Variants in DPY19L2 observed in about 807,000 individuals in gnomAD.
DPY19L2 encodes the protein dpy-19 like 2.
Under a neutral mutation model 97.9 loss-of-function variants are expected in DPY19L2, and 34 were observed. The observed-to-expected ratio is 0.35, with a 90% CI of 0.26 to 0.46. DPY19L2 has a LOEUF of 0.46. DPY19L2 is among the 20% of genes least tolerant of loss of function. The probability of loss-of-function intolerance (pLI) is 1.00; values close to 1 mark genes in which losing one functional copy is unlikely to be tolerated. For missense variants in DPY19L2, 623 were observed against 911.4 expected (o/e 0.68, Z 4.07); for synonymous variants, 230 against 307.9 (o/e 0.75, Z 2.65).
chr12:63,587,224 A>G (rs1188572483), intron 16 of DPY19L2, among the ~76,000 whole-genome samples: 1 of 152,090 alleles, frequency 6.6e-6, no homozygotes, highest in Non-Finnish European at 1.5e-5. Flanking sequence ...TCCTATAATA[A>G]TCATGCAATG....
intron 4 of DPY19L2, among the ~76,000 whole-genome samples, chr12:63,653,042 C>T (rs1488711494): frequency 2.6e-5 from 4 of 151,688 alleles, no homozygotes; most frequent in East Asian, 1.9e-4. Context: ...TAATGGATGG[C>T]GCAAGAGGAG....
chr12:63,607,370 G>A (rs750512205), intron 12 of DPY19L2, among the ~76,000 whole-genome samples: 1 of 152,168 alleles, frequency 6.6e-6, no homozygotes, highest in Non-Finnish European at 1.5e-5. Flanking sequence ...GTCGATATGT[G>A]AATTTCTACA....
At chr12:63,614,844 T>C (rs1308381848) in intron 11 of DPY19L2, among the ~76,000 whole-genome samples, 1 of 152,132 alleles carries the variant, frequency 6.6e-6, no homozygotes, top group East Asian at 1.9e-4. Context: ...CTCTGCCCAC[T>C]AATAAGGCCT....
chr12:63,580,850 A>G lies in DPY19L2; in HGVS notation c.1726-14T>C. On this transcript the variant is annotated splice_polypyrimidine_tract_variant and intron_variant, in intron 18 of 21. Coordinates refer to ENST00000324472, the MANE Select transcript of DPY19L2 (RefSeq NM_173812.5). ...CCAGCCAAAGAGCTGAAACGAAAGA[A>G]ACCGTTTATTTCTAGTTCTTATATG... is the stretch of plus-strand genomic sequence containing the variant. 2 of 1,609,140 alleles carry G rather than the reference A, an allele frequency of 1.2e-6. No individual in the cohort carries two copies. The highest frequency in any genetic ancestry group is 1.7e-6 in the Non-Finnish European group (2 of 1,178,144).
intron 11 of DPY19L2, among the ~76,000 whole-genome samples, chr12:63,615,409 T>C (rs1184121908): frequency 6.6e-6 from 1 of 152,092 alleles, no homozygotes; most frequent in Non-Finnish European, 1.5e-5. Context: ...AAGAGAGACA[T>C]TATGTGCCTT....
chr12:63,585,389 G>A (rs150017843), intron 16 of DPY19L2, among the ~76,000 whole-genome samples: 8 of 152,094 alleles, frequency 5.3e-5, no homozygotes, highest in African/African-American at 1.9e-4. Flanking sequence ...TAGTAATGGA[G>A]TCCAAATTAT....
chr12:63,588,464 A>G (rs944571932), intron 16 of DPY19L2, among the ~76,000 whole-genome samples: 1 of 152,184 alleles, frequency 6.6e-6, no homozygotes, highest in African/African-American at 2.4e-5. Context: ...AGAATGTTAT[A>G]CTTATAGTCC....
intron 4 of DPY19L2, among the ~76,000 whole-genome samples, chr12:63,652,105 G>GA (rs1474537488): frequency 2.7e-5 from 4 of 150,130 alleles, no homozygotes; most frequent in East Asian, 3.9e-4. Context: ...TTTAAAACAT[G>GA]AAAAAAAAAG....
At chr12:63,634,376 A>C (rs187914665) in intron 6 of DPY19L2, among the ~76,000 whole-genome samples, 2 of 152,284 alleles carry the variant, frequency 1.3e-5, no homozygotes, top group Admixed American at 1.3e-4. Context: ...AGCTCCCAGC[A>C]CGAGCGACAC....
At chr12:63,631,569 T>C (rs1312123212) in intron 6 of DPY19L2, among the ~76,000 whole-genome samples, 1 of 152,022 alleles carries the variant, frequency 6.6e-6, no homozygotes, top group African/African-American at 2.4e-5. Flanking sequence ...GAGGCAATAA[T>C]CAATAGCCTA....
intron 16 of DPY19L2, among the ~76,000 whole-genome samples, chr12:63,590,114 AAAAC>A (rs1267636130): frequency 4.0e-4 from 56 of 139,806 alleles, no homozygotes; most frequent in African/African-American, 1.5e-3. Context: ...CGAGACAAAA[AAAAC>A]AAAACAAAAC....
chr12:63,572,622 ACC>A (rs1879090903), intron 19 of DPY19L2, among the ~76,000 whole-genome samples: 1 of 152,032 alleles, frequency 6.6e-6, no homozygotes, highest in African/African-American at 2.4e-5. Flanking sequence ...TTTGGGTAAG[ACC>A]CAGTGCTGTG....
In DPY19L2 at chr12:63,560,452, C is replaced by A; in HGVS notation, c.*60G>T. On this transcript the variant is annotated 3_prime_UTR_variant, in exon 22 of 22. Transcript: ENST00000324472. The stretch of plus-strand genomic sequence containing the variant: ...GTGATTTTTATTAATGTGAATAAGC[C>A]AAAGGGTGATTGTTTTTGACACACG... 6.4e-7 allele frequency: 1 copy of A among 1,555,228 alleles called. No individual in the cohort carries two copies. Among genetic ancestry groups the A allele is most frequent in the South Asian group, 1.2e-5 (1 of 80,650 alleles).
intron 15 of DPY19L2, among the ~76,000 whole-genome samples, chr12:63,595,144 T>C (rs901452815): frequency 6.6e-6 from 1 of 152,202 alleles, no homozygotes; most frequent in African/African-American, 2.4e-5. Flanking sequence ...CAACTAAAAC[T>C]ACATAGAGAA....
chr12:63,610,875 A>ACAAAAAAAAAAAAACAT (rs1886885488), intron 11 of DPY19L2, among the ~76,000 whole-genome samples: 1 of 103,438 alleles, frequency 9.7e-6, no homozygotes, highest in Non-Finnish European at 2.0e-5. Context: ...AAAAAAAAAA[A>ACAAAAAAAAAAAAACAT]CCACACACAC....
chr12:63,566,743 T>C (rs1211663260), intron 21 of DPY19L2, among the ~76,000 whole-genome samples: 1 of 152,044 alleles, frequency 6.6e-6, no homozygotes, highest in East Asian at 1.9e-4. Flanking sequence ...ATAAAGCTGC[T>C]ATAGACATTT....
intron 16 of DPY19L2, among the ~76,000 whole-genome samples, chr12:63,591,995 G>A (rs1592472757): frequency 8.8e-5 from 2 of 22,644 alleles, no homozygotes; most frequent in African/African-American, 5.4e-4. Flanking sequence ...GGAAGGGAAG[G>A]GAGGGGAAGG....
rs188411390 is a variant in DPY19L2 at position 63,596,049 on chromosome 12, C to A, written c.1462-12G>T. ...TATCTCAGCGGAGTCTGAAATATAC[C>A]AAATTATTCAAAATGGTTACTTACA... On this transcript the variant is annotated splice_polypyrimidine_tract_variant and intron_variant, in intron 14 of 21. Coordinates refer to ENST00000324472, the MANE Select transcript of DPY19L2 (RefSeq NM_173812.5). The A allele has an allele frequency of 7.6e-6, 12 of 1,585,964 alleles. No homozygotes were observed. The highest frequency in any genetic ancestry group is 6.8e-5 in the African/African-American group (5 of 73,574).
intron 3 of DPY19L2, among the ~76,000 whole-genome samples, chr12:63,662,544 C>G (rs1039850351): frequency 6.6e-6 from 1 of 151,990 alleles, no homozygotes; most frequent in Non-Finnish European, 1.5e-5. Context: ...AAGTATTCTG[C>G]TATGTGTTGC....
Sources: gnomAD v4.1 joint callset for allele counts (sites outside exome capture counted in the v4.1 genomes callset) on GRCh38, gnomAD v4.1.1 for gene constraint, MANE v1.5 for transcripts, NCBI Gene and HGNC (gene_info 2026-07-23, HGNC 2026-07-21) for gene names.